The following ABCA5 variants were observed in gnomAD, a reference collection of about 807,000 sequenced individuals.
ABCA5 encodes the protein cholesterol transporter ABCA5.
ABCA5 carries 163 observed loss-of-function variants against 206.0 expected under a neutral mutation model. The observed-to-expected ratio is 0.79, with a 90% CI of 0.70 to 0.90. The LOEUF is 0.90. Ranked by LOEUF, ABCA5 falls within the 40% of genes least tolerant of loss-of-function variation. The pLI is 0.00. For synonymous variants in ABCA5, 609 were observed against 613.8 expected, an observed-to-expected ratio of 0.99 and a Z score of 0.11; for missense variants, 1,859 against 1,912.9, an observed-to-expected ratio of 0.97 and a Z score of 0.53.
chr17:69,309,081 G>A (rs933332524), intron 4 of ABCA5, among the ~76,000 whole-genome samples, 181 bp downstream of exon 4: 1 of 152,054 alleles, frequency 6.6e-6, no homozygotes, highest in Non-Finnish European at 1.5e-5. Context: ...TGTTTTATGT[G>A]TAGAAGTAGA....
At chr17:69,258,163 A>G (rs2075104187) in intron 28 of ABCA5, among the ~76,000 whole-genome samples, 1 of 152,076 alleles carries the variant, frequency 6.6e-6, no homozygotes, top group Non-Finnish European at 1.5e-5. Context: ...CAATCCTACT[A>G]CTGGATATAT....
Position 69,284,073 on chromosome 17 carries a change from C to T in ABCA5, c.2273-1G>A. ...TGACTGTCTAGGGCAGAAAACAAAC[C>T]TAAAAGAAAAAAATGAAAGAATAGT... On this transcript the variant is annotated splice_acceptor_variant, in intron 17 of 38. Coordinates refer to ENST00000392676, the MANE Select transcript of ABCA5 (RefSeq NM_172232.4). LOFTEE classifies it high-confidence loss of function. 2 of 1,542,548 alleles carry T rather than the reference C, an allele frequency of 1.3e-6. No individual in the cohort carries two copies. The highest frequency in any genetic ancestry group is 8.7e-7 in the Non-Finnish European group (1 of 1,151,582).
intron 10 of ABCA5, among the ~76,000 whole-genome samples, chr17:69,295,695 T>C (rs112227031): frequency 0.015 from 2,348 of 152,314 alleles, 49 homozygotes; most frequent in African/African-American, 0.054. Context: ...AAGCATAACT[T>C]ACTATAATCT....
intron 8 of ABCA5, among the ~76,000 whole-genome samples, chr17:69,301,926 C>T (rs568312231): frequency 5.9e-5 from 9 of 152,236 alleles, no homozygotes; most frequent in African/African-American, 1.9e-4. Flanking sequence ...CCACTCACAA[C>T]AAAAACCTAT....
At chr17:69,319,059 G>A (rs1044233043) in intron 1 of ABCA5, 7 of 341,062 alleles carry the variant, frequency 2.1e-5, no homozygotes, top group African/African-American at 6.5e-5. Context: ...TTTCATATTA[G>A]ACTCTGTTAA....
At chr17:69,304,957 A>T (rs1567779071) in intron 6 of ABCA5, 147 bp from the exon 7 acceptor site, 4 of 579,520 alleles carry the variant, frequency 6.9e-6, no homozygotes, top group Non-Finnish European at 1.0e-5. Flanking sequence ...TGTACTAAAA[A>T]TTAATAGTCT....
chr17:69,244,408 A>T lies in ABCA5; in HGVS notation c.*3129T>A, dbSNP rs977640921. 2.0e-5 allele frequency: 3 copies of T among 151,904 alleles called. No individual in the cohort carries two copies. Among genetic ancestry groups the T allele is most frequent in the Non-Finnish European group, 2.9e-5 (2 of 67,898 alleles). 9.4% of individuals were successfully genotyped at this position (151,904 alleles called of 1,614,324 possible). On this transcript the variant is annotated 3_prime_UTR_variant, in exon 39 of 39. Coordinates refer to ENST00000392676, the MANE Select transcript of ABCA5 (RefSeq NM_172232.4). The stretch of plus-strand genomic sequence containing the variant: ...AGAATTCACTTCAGTATACAAAATG[A>T]CTTGTCTTAAATTTTCAACTCTTAA...
At chr17:69,308,417 G>A (rs1416476055) in intron 4 of ABCA5, 49 bp from the exon 5 acceptor site, 2 of 1,292,670 alleles carry the variant, frequency 1.5e-6, no homozygotes, top group Non-Finnish European at 2.2e-6. Flanking sequence ...ACATGCAAGT[G>A]CATCGTTTTA....
chr17:69,256,212 A>C lies in ABCA5; in HGVS notation c.3803T>G (p.Val1268Gly). ...PPDNEDEDED[V>G]KAERLKVKEL... ...TTTGACCTTTAGTCTTTCAGCTTTG[A>C]CATCTTCATCTTCATCCTCATTGTC... The change falls in exon 29 of 39, where the codon GTC becomes GGC. Residue 1268 changes from valine (V) to glycine (G), a missense_variant. Val to Gly is a moderately radical substitution (Grantham distance 109, BLOSUM62 -3). Transcript: ENST00000392676. The C allele has an allele frequency of 6.2e-7, 1 of 1,610,692 alleles. No individual in the cohort carries two copies. The highest frequency in any genetic ancestry group is 8.5e-7 in the Non-Finnish European group (1 of 1,178,188).
intron 7 of ABCA5, 91 bp downstream of exon 7, chr17:69,304,578 A>G: frequency 8.7e-7 from 1 of 1,150,366 alleles, no homozygotes; most frequent in Non-Finnish European, 1.2e-6. Flanking sequence ...TTCATGGCAA[A>G]TTGACTATAA....
rs2074955428 is a variant in ABCA5, at chr17:69,246,660, A to G, written c.*877T>C. The G allele has an allele frequency of 6.6e-6, 1 of 151,866 alleles. No homozygotes were observed. Among genetic ancestry groups the G allele is most frequent in the Non-Finnish European group, 1.5e-5 (1 of 67,790 alleles). The allele number at this position is 151,866 out of a possible 1,614,324, so 9.4% of individuals were successfully genotyped here. ...ACCAATAAAAACAAATACCCAATAAAATATTTTATTCAAGAACAAAATTAA... is the reference window on the plus strand; with the variant it reads ...ACCAATAAAAACAAATACCCAATAAGATATTTTATTCAAGAACAAAATTAA... On this transcript the variant is annotated 3_prime_UTR_variant, in exon 39 of 39. Coordinates refer to ENST00000392676, the MANE Select transcript of ABCA5 (RefSeq NM_172232.4).
At chr17:69,286,510 C>A (rs559758546) in intron 15 of ABCA5, among the ~76,000 whole-genome samples, 199 bp from the exon 16 acceptor site, 1 of 152,250 alleles carries the variant, frequency 6.6e-6, no homozygotes, top group East Asian at 1.9e-4. Flanking sequence ...AAAATACATT[C>A]CTTATATATG....
chr17:69,297,117 A>G, intron 10 of ABCA5, 74 bp downstream of exon 10: 1 of 1,386,706 alleles, frequency 7.2e-7, no homozygotes, highest in Non-Finnish European at 1.0e-6. Context: ...ATATTTACAT[A>G]CATATTTAAA....
chr17:69,327,060 C>A lies in ABCA5; in HGVS notation c.-24G>T. The A allele has an allele frequency of 6.4e-6, 1 of 155,956 alleles. No homozygotes were observed. The highest frequency in any genetic ancestry group is 1.9e-4 in the South Asian group (1 of 5,326). 9.7% of individuals were successfully genotyped at this position (155,956 alleles called of 1,614,324 possible). A position where few individuals can be genotyped will look rare whatever the true frequency, so the allele number is the denominator to read the frequency against. On this transcript the variant is annotated 5_prime_UTR_variant, in exon 1 of 39. Transcript: ENST00000392676. Reference sequence around the variant, plus strand: ...CGCGACGCCCGCCTCACCTCAGGGCCCGAGCCGCAGAGCTGTCAGGCCTGG... The same window carrying A: ...CGCGACGCCCGCCTCACCTCAGGGCACGAGCCGCAGAGCTGTCAGGCCTGG...
chr17:69,257,037 A>G (rs1419510924), intron 28 of ABCA5, among the ~76,000 whole-genome samples: 1 of 152,040 alleles, frequency 6.6e-6, no homozygotes, highest in African/African-American at 2.4e-5. Context: ...TGAAGTACAG[A>G]GGCAAACAGA....
chr17:69,310,798 G>A (rs909707779), intron 3 of ABCA5, among the ~76,000 whole-genome samples: 2 of 152,206 alleles, frequency 1.3e-5, no homozygotes, highest in South Asian at 2.1e-4. Context: ...GCACAGACAG[G>A]CGATTTGAAC....
Position 69,314,462 on chromosome 17 carries a change from C to T in ABCA5, c.-15-32G>A, listed in dbSNP as rs375314436. On this transcript the variant is annotated intron_variant, in intron 1 of 38. Coordinates refer to ENST00000392676, the MANE Select transcript of ABCA5 (RefSeq NM_172232.4). ...AAGAGGAAAAACAAACAAACAAACCCGGAGCCACGCAGTAAACTGCATGTA... is the reference window on the plus strand; with the variant it reads ...AAGAGGAAAAACAAACAAACAAACCTGGAGCCACGCAGTAAACTGCATGTA... 20 of 1,348,106 alleles carry T rather than the reference C, an allele frequency of 1.5e-5. No homozygotes were observed. The highest frequency in any genetic ancestry group is 7.4e-5 in the South Asian group (6 of 81,134). The allele number at this position is 1,348,106 out of a possible 1,614,324, so 83.5% of individuals were successfully genotyped here. A position where few individuals can be genotyped will look rare whatever the true frequency, so the allele number is the denominator to read the frequency against.
At chr17:69,265,201 G>A (rs936697909) in intron 23 of ABCA5, among the ~76,000 whole-genome samples, 2 of 151,984 alleles carry the variant, frequency 1.3e-5, no homozygotes, top group African/African-American at 4.8e-5. Flanking sequence ...TGGCGGTTGG[G>A]GTTACAGCTA....
At position 69,246,436 on chromosome 17, in the gene ABCA5, C is replaced by T. The variant is rs2074952091; in HGVS notation, c.*1101G>A. The T allele has an allele frequency of 6.6e-6, 1 of 151,868 alleles. No individual in the cohort carries two copies. The highest frequency in any genetic ancestry group is 2.4e-5 in the African/African-American group (1 of 41,404). The allele number at this position is 151,868 out of a possible 1,614,324, so 9.4% of individuals were successfully genotyped here. On this transcript the variant is annotated 3_prime_UTR_variant, in exon 39 of 39. Coordinates refer to ENST00000392676, the MANE Select transcript of ABCA5 (RefSeq NM_172232.4). Reference sequence around the variant, plus strand: ...GGAAGTATTTCTAAGAAAATATTAGCCATGCCTTTAACTCTATCAAAAATG... The same window carrying T: ...GGAAGTATTTCTAAGAAAATATTAGTCATGCCTTTAACTCTATCAAAAATG...
Sources: gnomAD v4.1 joint callset for allele counts (sites outside exome capture counted in the v4.1 genomes callset) on GRCh38, gnomAD v4.1.1 for gene constraint, MANE v1.5 for transcripts, NCBI Gene and HGNC (gene_info 2026-07-23, HGNC 2026-07-21) for gene names.